Variants in TENM3 observed in about 807,000 individuals in gnomAD.
TENM3 encodes the protein teneurin-3.
A neutral mutation model predicts 255.1 loss-of-function variants in TENM3; 63 were observed. The observed-to-expected ratio is 0.25, with a 90% CI of 0.20 to 0.30. TENM3 has a LOEUF of 0.30. Among genes scored for constraint, TENM3 ranks in the 10% least tolerant of loss-of-function variants. The pLI is 1.00. For synonymous variants in TENM3, 1,306 were observed against 1,322.3 expected (o/e 0.99, Z 0.27); for missense variants, 2,929 against 3,461.1 (o/e 0.85, Z 3.86).
intron 4 of TENM3, among the ~76,000 whole-genome samples, chr4:182,616,969 CTA>C: frequency 6.6e-6 from 1 of 152,096 alleles, no homozygotes; most frequent in Non-Finnish European, 1.5e-5. Flanking sequence ...TTTAAATAAA[CTA>C]TTTTTTCAGC....
Position 182,730,882 on chromosome 4 carries a change from G to A in TENM3, c.2710G>A (p.Asp904Asn). ...YTITRQDGMFDLVANGGASLT... is the reference protein window; with the variant it reads ...YTITRQDGMFNLVANGGASLT... The stretch of plus-strand genomic sequence containing the variant: ...GCATACCTTGTTCTTTCTTAGGTTT[G>A]ACTTGGTGGCAAATGGTGGGGCCTC... Residue 904 changes from aspartate to asparagine, a missense_variant, in exon 16 of 28, where the codon GAC becomes AAC. By Grantham distance (23) the Asp-to-Asn change is conservative (BLOSUM62 1). Coordinates refer to ENST00000511685, the MANE Select transcript of TENM3 (RefSeq NM_001080477.4). 6.2e-7 allele frequency: 1 copy of A among 1,613,654 alleles called. No individual in the cohort carries two copies. The highest frequency in any genetic ancestry group is 8.5e-7 in the Non-Finnish European group (1 of 1,179,650).
In TENM3 at chr4:182,341,211, A is replaced by G. The variant is rs1183733788; in HGVS notation, c.233-5440A>G. Among the ~76,000 whole-genome samples the G allele has an allele frequency of 1.3e-5, 2 of 152,214 alleles. 1 individual carries two copies. On this transcript the variant is annotated intron_variant, in intron 2 of 27. Transcript: ENST00000511685. ...TCAAGAAAATATATTTGTTTTTTAG[A>G]AAGAAGATAGGCTTTAATTTTTTCT... is the stretch of plus-strand genomic sequence containing the variant.
At chr4:182,326,912 T>C (rs1763449542) in intron 2 of TENM3, among the ~76,000 whole-genome samples, 1 of 152,128 alleles carries the variant, frequency 6.6e-6, no homozygotes, top group South Asian at 2.1e-4. Context: ...TGTAGGCATA[T>C]TTAGGAAATA....
intron 22 of TENM3, among the ~76,000 whole-genome samples, chr4:182,762,798 G>C (rs1328240707): frequency 6.7e-6 from 1 of 148,626 alleles, no homozygotes; most frequent in East Asian, 2.3e-4. Flanking sequence ...GAAGGAGATA[G>C]ATAGGATGGT....
chr4:182,250,237 A>G (rs1210003449), intron 1 of TENM3, among the ~76,000 whole-genome samples: 1 of 151,598 alleles, frequency 6.6e-6, no homozygotes, highest in African/African-American at 2.4e-5. Context: ...TATTTTTAGT[A>G]GAGACGGGGT....
chr4:181,525,467 C>T, the TENM3 span, among the ~76,000 whole-genome samples: 1 of 151,348 alleles, frequency 6.6e-6, no homozygotes, highest in Non-Finnish European at 1.5e-5. Flanking sequence ...AATCATATCT[C>T]CCCCTGACTT....
At chr4:182,494,734 T>C (rs1385173947) in intron 3 of TENM3, among the ~76,000 whole-genome samples, 2 of 152,202 alleles carry the variant, frequency 1.3e-5, no homozygotes, top group South Asian at 2.1e-4. Context: ...ATTTTTTCCC[T>C]GATTGAATAT....
intron 1 of TENM3, among the ~76,000 whole-genome samples, chr4:182,317,939 CATT>C (rs1208276880): frequency 6.6e-6 from 1 of 152,130 alleles, no homozygotes; most frequent in Admixed American, 6.5e-5. Context: ...TAAATACTAA[CATT>C]AGTGAAAATA....
At chr4:182,076,040 A>T in the TENM3 span, among the ~76,000 whole-genome samples, 1 of 151,984 alleles carries the variant, frequency 6.6e-6, no homozygotes, top group Non-Finnish European at 1.5e-5. Context: ...CAGCTTCCTA[A>T]GTAGCTGGGA....
the TENM3 span, among the ~76,000 whole-genome samples, chr4:181,715,193 C>A: frequency 6.6e-6 from 1 of 152,038 alleles, no homozygotes; most frequent in African/African-American, 2.4e-5. Flanking sequence ...TCTACTATGT[C>A]GGTCACCTCA....
intron 3 of TENM3, among the ~76,000 whole-genome samples, chr4:182,577,315 T>G (rs1284569299): frequency 6.6e-6 from 1 of 152,206 alleles, no homozygotes. Context: ...AGTATCTGTT[T>G]GACTCATACT....
At chr4:181,482,073 A>G in the TENM3 span, among the ~76,000 whole-genome samples, 3 of 152,186 alleles carry the variant, frequency 2.0e-5, no homozygotes, top group Non-Finnish European at 4.4e-5. Context: ...CCTTCACATT[A>G]TAGGAAAAAG....
chr4:182,481,771 G>C (rs1734226909), intron 3 of TENM3, among the ~76,000 whole-genome samples: 1 of 152,054 alleles, frequency 6.6e-6, no homozygotes. Context: ...CTGCAGCCTG[G>C]GCAACAGAGT....
chr4:181,726,491 C>T, the TENM3 span, among the ~76,000 whole-genome samples: 1 of 152,192 alleles, frequency 6.6e-6, no homozygotes, highest in Admixed American at 6.5e-5. Context: ...ATTCACTCAG[C>T]TATGAAATAT....
chr4:182,779,737 T>G lies in TENM3; in HGVS notation c.5304+4584T>G, dbSNP rs573507265. On this transcript the variant is annotated intron_variant, in intron 24 of 27. Coordinates refer to ENST00000511685, the MANE Select transcript of TENM3 (RefSeq NM_001080477.4). Reference sequence around the variant, plus strand: ...CAGCACCTGTTGTTTCCTGACTTTTTAATGATTGCCATTCTAACTAGTGTG... The same window carrying G: ...CAGCACCTGTTGTTTCCTGACTTTTGAATGATTGCCATTCTAACTAGTGTG... Among the ~76,000 whole-genome samples the G allele has an allele frequency of 2.6e-3, 400 of 152,340 alleles. 2 individuals are homozygous for G. Among genetic ancestry groups the G allele is most frequent in the African/African-American group, 9.3e-3 (386 of 41,578 alleles).
At chr4:181,950,646 T>C in the TENM3 span, among the ~76,000 whole-genome samples, 1 of 152,222 alleles carries the variant, frequency 6.6e-6, no homozygotes, top group African/African-American at 2.4e-5. Context: ...AATATTGTTG[T>C]GCTCATTGTG....
intron 3 of TENM3, chr4:182,448,878 G>T: frequency 4.7e-6 from 1 of 214,712 alleles, no homozygotes; most frequent in South Asian, 5.3e-5. Context: ...AGGCGGCGGT[G>T]GCGGCCCGGC....
the TENM3 span, among the ~76,000 whole-genome samples, chr4:181,533,047 C>T: frequency 4.7e-4 from 72 of 152,122 alleles, no homozygotes; most frequent in South Asian, 1.7e-3. Flanking sequence ...CTTTTCTACC[C>T]GGGGTTTTGG....
At chr4:181,576,515 G>C in the TENM3 span, among the ~76,000 whole-genome samples, 1 of 152,246 alleles carries the variant, frequency 6.6e-6, no homozygotes, top group East Asian at 1.9e-4. Flanking sequence ...GCTCCATAGA[G>C]GCTGTACTAA....
Sources: allele counts gnomAD v4.1 joint callset (sites outside exome capture counted in the v4.1 genomes callset), GRCh38; gene constraint gnomAD v4.1.1; transcripts MANE v1.5; gene names NCBI Gene and HGNC (gene_info 2026-07-23, HGNC 2026-07-21).